HCN1: variants seen among roughly 807,000 people sequenced by gnomAD.
HCN1 encodes hyperpolarization activated cyclic nucleotide gated potassium channel 1, also known as potassium/sodium hyperpolarization-activated cyclic nucleotide-gated channel 1.
Under a neutral mutation model 78.9 loss-of-function variants are expected in HCN1, and 13 were observed. That is an observed-to-expected ratio of 0.16 (90% confidence interval 0.11 to 0.26). HCN1 has a LOEUF of 0.26. Among genes scored for constraint, HCN1 ranks in the 10% least tolerant of loss-of-function variants. HCN1 has a pLI of 1.00. For synonymous variants in HCN1, 552 were observed against 455.5 expected, an observed-to-expected ratio of 1.21 and a Z score of -2.70; for missense variants, 810 against 1,154.3, an observed-to-expected ratio of 0.70 and a Z score of 4.32.
chr5:45,579,283 T>C (rs1046229604), intron 2 of HCN1, among the ~76,000 whole-genome samples: 3 of 152,068 alleles, frequency 2.0e-5, no homozygotes, highest in Admixed American at 6.6e-5. Context: ...AGATCAGTAT[T>C]GTTTCCTTTA....
intron 1 of HCN1, among the ~76,000 whole-genome samples, chr5:45,670,270 C>A (rs1051590503): frequency 3.3e-5 from 5 of 151,652 alleles, no homozygotes; most frequent in African/African-American, 7.3e-5. Context: ...CTCCAAATAA[C>A]GCTTTACTGG....
chr5:45,682,276 T>C (rs906174560), intron 1 of HCN1, among the ~76,000 whole-genome samples: 5 of 112,640 alleles, frequency 4.4e-5, no homozygotes, highest in African/African-American at 1.8e-4. Flanking sequence ...TATATACATA[T>C]ATATATATAT....
intron 2 of HCN1, chr5:45,643,033 CT>C (rs1427968146): frequency 6.6e-6 from 1 of 152,106 alleles, no homozygotes; most frequent in Non-Finnish European, 1.5e-5. Context: ...CAACTCTAGC[CT>C]GAATGTGCTT....
At chr5:45,278,874 C>T (rs902210734) in intron 6 of HCN1, among the ~76,000 whole-genome samples, 24 of 151,884 alleles carry the variant, frequency 1.6e-4, no homozygotes, top group African/African-American at 5.3e-4. Flanking sequence ...TATTGAACTG[C>T]TTTTTTTAAA....
chr5:45,372,121 A>ATT (rs1414350380), intron 4 of HCN1, among the ~76,000 whole-genome samples: 2 of 55,876 alleles, frequency 3.6e-5, no homozygotes, highest in African/African-American at 1.0e-4. Context: ...ATAATTATAT[A>ATT]TTATATATAT....
intron 2 of HCN1, among the ~76,000 whole-genome samples, chr5:45,565,839 T>A (rs1196967170): frequency 6.6e-6 from 1 of 152,246 alleles, no homozygotes; most frequent in African/African-American, 2.4e-5. Context: ...AATAATTAAG[T>A]ATTCTATTTG....
At chr5:45,427,314 T>A (rs1308814327) in intron 3 of HCN1, among the ~76,000 whole-genome samples, 1 of 152,124 alleles carries the variant, frequency 6.6e-6, no homozygotes, top group Non-Finnish European at 1.5e-5. Context: ...AACTAGTGGC[T>A]GTTCCCAGAA....
At chr5:45,590,240 CT>C (rs1298301994) in intron 2 of HCN1, among the ~76,000 whole-genome samples, 1 of 152,056 alleles carries the variant, frequency 6.6e-6, no homozygotes, top group South Asian at 2.1e-4. Context: ...GCTAAATTTC[CT>C]TTCATATTAG....
intron 6 of HCN1, among the ~76,000 whole-genome samples, chr5:45,273,273 T>C (rs1744993310): frequency 6.6e-6 from 1 of 152,112 alleles, no homozygotes; most frequent in Non-Finnish European, 1.5e-5. Flanking sequence ...GTTTCCAATT[T>C]CAGTGTCAGA....
At chr5:45,509,473 G>A (rs17293295) in intron 2 of HCN1, among the ~76,000 whole-genome samples, 37,228 of 152,038 alleles carry the variant, frequency 0.24, 4,677 homozygotes, top group East Asian at 0.32. Flanking sequence ...CATGCTGCAG[G>A]TTGAGCATGA....
chr5:45,590,766 A>C (rs1417705797), intron 2 of HCN1, among the ~76,000 whole-genome samples: 1 of 152,164 alleles, frequency 6.6e-6, no homozygotes, highest in Non-Finnish European at 1.5e-5. Context: ...TCTTTCACTA[A>C]GTAATATGCA....
At position 45,421,358 on chromosome 5, in the gene HCN1, G is replaced by A. The variant is rs1310549822; in HGVS notation, c.1012-24648C>T. Among the ~76,000 whole-genome samples, 5 of 152,066 alleles carry A rather than the reference G, an allele frequency of 3.3e-5. No individual in the cohort carries two copies. The East Asian group carries it at 7.7e-4, about 23-fold the overall frequency. The stretch of plus-strand genomic sequence containing the variant: ...ATTACAGGCGTGAGCCACCACGCCC[G>A]GCCAGCAGCATGGTTTTTAACAACA... On this transcript the variant is annotated intron_variant, in intron 3 of 7. Transcript: ENST00000303230.
intron 4 of HCN1, among the ~76,000 whole-genome samples, chr5:45,368,614 A>T (rs1178854268): frequency 1.3e-5 from 2 of 151,978 alleles, no homozygotes; most frequent in Non-Finnish European, 2.9e-5. Flanking sequence ...AGATTCATAT[A>T]CTAAATGGCC....
chr5:45,412,525 A>T (rs1740043333), intron 3 of HCN1, among the ~76,000 whole-genome samples: 1 of 152,116 alleles, frequency 6.6e-6, no homozygotes, highest in Non-Finnish European at 1.5e-5. Flanking sequence ...AAAAAAAGAC[A>T]AAGAATAACC....
intron 2 of HCN1, among the ~76,000 whole-genome samples, chr5:45,527,795 A>C (rs549647041): frequency 6.6e-6 from 1 of 151,762 alleles, no homozygotes; most frequent in African/African-American, 2.4e-5. Context: ...TGTTGTATTA[A>C]TTTTTTTATA....
At chr5:45,578,173 G>A (rs533737180) in intron 2 of HCN1, among the ~76,000 whole-genome samples, 29 of 152,096 alleles carry the variant, frequency 1.9e-4, no homozygotes, top group African/African-American at 6.7e-4. Context: ...CCACCACAGT[G>A]TCCTGAGAAG....
chr5:45,677,570 A>G (rs1739599442), intron 1 of HCN1, among the ~76,000 whole-genome samples: 1 of 151,884 alleles, frequency 6.6e-6, no homozygotes, highest in African/African-American at 2.4e-5. Flanking sequence ...AGGTTAAATG[A>G]CATTTACTGT....
intron 2 of HCN1, among the ~76,000 whole-genome samples, chr5:45,473,689 C>A (rs1264241028): frequency 6.6e-6 from 1 of 151,540 alleles, no homozygotes; most frequent in Non-Finnish European, 1.5e-5. Context: ...ATGCTTAAAT[C>A]TTTCCTATAT....
chr5:45,621,351 C>T (rs1745059143), intron 2 of HCN1, among the ~76,000 whole-genome samples: 1 of 150,932 alleles, frequency 6.6e-6, no homozygotes, highest in South Asian at 2.1e-4. Flanking sequence ...AGTGAAAAGT[C>T]AGGCTTGGAA....
Sources: gnomAD v4.1 joint callset for allele counts (sites outside exome capture counted in the v4.1 genomes callset) on GRCh38, gnomAD v4.1.1 for gene constraint, MANE v1.5 for transcripts, NCBI Gene and HGNC (gene_info 2026-07-23, HGNC 2026-07-21) for gene names.